The following LCT variants were observed in gnomAD, a reference collection of about 807,000 sequenced individuals.
LCT encodes lactase/phlorizin hydrolase.
Under a neutral mutation model 173.0 loss-of-function variants are expected in LCT, and 90 were observed. The ratio of observed to expected loss-of-function variants is 0.52; its 90% CI spans 0.44 to 0.62. The LOEUF is 0.62. Ranked by LOEUF, LCT falls within the 20% of genes least tolerant of loss-of-function variation. LCT has a pLI of 0.00. For synonymous variants in LCT, 853 were observed against 957.6 expected (o/e 0.89, Z 2.02); for missense variants, 1,864 against 2,431.4 (o/e 0.77, Z 4.91).
At chr2:135,819,577 G>A (rs1045528549) in intron 5 of LCT, among the ~76,000 whole-genome samples, 10 of 152,188 alleles carry the variant, frequency 6.6e-5, no homozygotes, top group Non-Finnish European at 1.3e-4. Context: ...CTCAAAAAGC[G>A]AAGCCTGGGG....
In LCT at chr2:135,789,766, T is replaced by C. The variant is rs2077519721; in HGVS notation, c.5368A>G (p.Thr1790Ala). ...AAATTGTCCATCGCACTCCAAACTG[T>C]GTATCCTCGAAGGTCCACCTTGTCC... is the stretch of plus-strand genomic sequence containing the variant. ...VQDKVDLRGYTVWSAMDNFEW... is the reference protein window; with the variant it reads ...VQDKVDLRGYAVWSAMDNFEW... The change falls in exon 16 of 17, where the codon ACA (threonine) becomes GCA (alanine). Residue 1790 changes from threonine (T) to alanine (A), a missense_variant. Physicochemically the swap from Thr to Ala is moderately conservative, Grantham distance 58 (BLOSUM62 0). Coordinates refer to ENST00000264162, the MANE Select transcript of LCT (RefSeq NM_002299.4). The C allele has an allele frequency of 1.2e-6, 2 of 1,614,068 alleles. No homozygotes were observed. The highest frequency in any genetic ancestry group is 1.7e-5 in the Admixed American group (1 of 60,002).
At chr2:135,821,259 C>T (rs1325151411) in intron 5 of LCT, among the ~76,000 whole-genome samples, 1 of 152,186 alleles carries the variant, frequency 6.6e-6, no homozygotes, top group African/African-American at 2.4e-5. Flanking sequence ...TTTACAACCC[C>T]ACCATAGATT....
chr2:135,811,033 A>G (rs2077730607), intron 7 of LCT, among the ~76,000 whole-genome samples: 1 of 151,684 alleles, frequency 6.6e-6, no homozygotes, highest in Non-Finnish European at 1.5e-5. Flanking sequence ...TCTCAAAAAA[A>G]AAAAAAGAAA....
In LCT at chr2:135,812,747, T is replaced by G. The variant is rs754174759; in HGVS notation, c.1917A>C (p.Gly639=). The G allele has an allele frequency of 1.9e-6, 3 of 1,614,116 alleles. No homozygotes were observed. In the Admixed American group the frequency reaches 5.0e-5, roughly 27 times the overall value. Residue 639 remains glycine (G), a synonymous_variant, in exon 7 of 17, where the codon GGA becomes GGC. Transcript: ENST00000264162. ...GGGTCCTCAGGGTGGCTGGGTAGTCTCCATCCACAAAGACGGGGTGTGCAA... is the reference window on the plus strand; with the variant it reads ...GGGTCCTCAGGGTGGCTGGGTAGTCGCCATCCACAAAGACGGGGTGTGCAA... The part of the protein sequence containing the change: ...GWFAHPVFVD[G]DYPATLRTQI...
At chr2:135,811,015 AG>A (rs1313341185) in intron 7 of LCT, among the ~76,000 whole-genome samples, 1 of 151,440 alleles carries the variant, frequency 6.6e-6, no homozygotes, top group Non-Finnish European at 1.5e-5. Context: ...CGACAGAGCC[AG>A]ACTCCGTCTC....
At chr2:135,831,446 G>A (rs2077937802) in intron 2 of LCT, among the ~76,000 whole-genome samples, 1 of 152,252 alleles carries the variant, frequency 6.6e-6, no homozygotes, top group Middle Eastern at 3.4e-3. Context: ...CGTCCCACTC[G>A]GAAGTGTGGC....
intron 5 of LCT, among the ~76,000 whole-genome samples, chr2:135,819,417 T>A (rs975499344): frequency 6.6e-6 from 1 of 151,284 alleles, no homozygotes; most frequent in Admixed American, 6.6e-5. Flanking sequence ...CCTTGAGGAG[T>A]GTGGCACATG....
intron 13 of LCT, among the ~76,000 whole-genome samples, chr2:135,797,395 C>T (rs1432384263): frequency 6.6e-6 from 1 of 152,176 alleles, no homozygotes; most frequent in Non-Finnish European, 1.5e-5. Context: ...GCTTCCTGCG[C>T]TTCCTCACAC....
chr2:135,815,532 A>G (rs1202407241), intron 6 of LCT, among the ~76,000 whole-genome samples: 2 of 152,154 alleles, frequency 1.3e-5, no homozygotes, highest in South Asian at 2.1e-4. Flanking sequence ...TTATTTATTC[A>G]TGATGTTCCA....
chr2:135,800,893 C>T (rs900410587), intron 11 of LCT, 84 bp from the exon 12 acceptor site: 1 of 1,106,328 alleles, frequency 9.0e-7, no homozygotes, highest in Non-Finnish European at 1.4e-6. Flanking sequence ...CAGATGTCCC[C>T]TCTGTGTTTG....
chr2:135,823,786 C>T (rs1356057294), intron 4 of LCT, 115 bp downstream of exon 4: 1 of 757,056 alleles, frequency 1.3e-6, no homozygotes. Flanking sequence ...GGCTTTTATA[C>T]TAGTCTTCCT....
intron 8 of LCT, 145 bp downstream of exon 8, chr2:135,808,298 C>A (rs2077694030): frequency 1.2e-6 from 1 of 812,254 alleles, no homozygotes; most frequent in East Asian, 2.4e-5. Context: ...GAACATATAA[C>A]CCCCAAACAG....
chr2:135,817,723 A>T lies in LCT; in HGVS notation c.1325T>A (p.Leu442Gln). The T allele has an allele frequency of 6.2e-7, 1 of 1,614,064 alleles. No homozygotes were observed. Among genetic ancestry groups the T allele is most frequent in the East Asian group, 2.2e-5 (1 of 44,868 alleles). ...SYHKVASDVA[L>Q]LCGLRAQVYK... ...CACCTGAGCCCGGAGGCCGCAAAGC[A>T]GGGCGACGTCAGAGGCTACCTTGTG... The change falls in exon 6 of 17, where the codon CTG (leucine) becomes CAG (glutamine). Residue 442 changes from leucine to glutamine, a missense_variant. By Grantham distance (113) the Leu-to-Gln change is moderately radical. This residue lies in a region of LCT where 183 missense variants were observed against 293.1 expected (regional missense o/e 0.62). Transcript: ENST00000264162.
rs990846659 is a variant in LCT, at chr2:135,800,501, A to G, written c.4866+106T>C. The stretch of plus-strand genomic sequence containing the variant: ...CAGACTTCCAAAGTGCTGGGATTAT[A>G]GACATGAGCCACCACACCCTAAATC... On this transcript the variant is annotated intron_variant, in intron 12 of 16. Transcript: ENST00000264162. 7 of 967,442 alleles carry G rather than the reference A, an allele frequency of 7.2e-6. No homozygotes were observed. In the African/African-American group the frequency reaches 1.1e-4, roughly 16 times the overall value. 59.9% of individuals were successfully genotyped at this position (967,442 alleles called of 1,614,324 possible). A position where few individuals can be genotyped will look rare whatever the true frequency, so the allele number is the denominator to read the frequency against.
Position 135,809,674 on chromosome 2 carries a change from G to A in LCT, c.2673C>T (p.Pro891=), listed in dbSNP as rs746633907. 9.9e-6 allele frequency: 16 copies of A among 1,614,088 alleles called. No individual in the cohort carries two copies. The highest frequency in any genetic ancestry group is 1.3e-5 in the African/African-American group (1 of 74,930). The change falls in exon 8 of 17, where the codon CCC becomes CCT. Residue 891 remains proline, a synonymous_variant. Coordinates refer to ENST00000264162, the MANE Select transcript of LCT (RefSeq NM_002299.4). The surrounding 1 kb of genome is among the most constrained non-coding windows in gnomAD (Gnocchi z 5.5). ...KVVWEKFSSQ[P]KFERDLFYHG... is the part of the protein sequence containing the mutation. ...GGTAGAACAAATCTCTTTCGAACTTGGGTTGGCTGGAGAACTTTTCCCAAA... is the reference window on the plus strand; with the variant it reads ...GGTAGAACAAATCTCTTTCGAACTTAGGTTGGCTGGAGAACTTTTCCCAAA...
At position 135,829,580 on chromosome 2, in the gene LCT, G is replaced by T; in HGVS notation, c.804+13C>A. 1 of 1,598,268 alleles carries T rather than the reference G, an allele frequency of 6.3e-7. No individual in the cohort carries two copies. The highest frequency in any genetic ancestry group is 1.1e-5 in the South Asian group (1 of 90,748). ...CTGCATTCATCATTAATGTGGAAAA[G>T]GGCTCAAATTACCTGCAATTTACTC... is the stretch of plus-strand genomic sequence containing the variant. On this transcript the variant is annotated intron_variant, in intron 3 of 16. Coordinates refer to ENST00000264162, the MANE Select transcript of LCT (RefSeq NM_002299.4).
Position 135,788,381 on chromosome 2 carries a change from A to G in LCT, c.5727T>C (p.Ser1909=). 1.2e-6 allele frequency: 2 copies of G among 1,614,212 alleles called. No homozygotes were observed. Among genetic ancestry groups the G allele is most frequent in the South Asian group, 1.1e-5 (1 of 91,088 alleles). Residue 1909 remains serine, a synonymous_variant, in exon 17 of 17, where the codon TCT becomes TCC. Transcript: ENST00000264162. ...GGCTTCGTTGTGTTTTCCCTTGCTT[A>G]GAGCGCTTGCAGTACTTGTATGACA... is the stretch of plus-strand genomic sequence containing the variant. ...AFLSYKYCKR[S]KQGKTQRSQQ...
intron 11 of LCT, among the ~76,000 whole-genome samples, chr2:135,802,697 T>C (rs1414205873): frequency 6.6e-6 from 1 of 152,284 alleles, no homozygotes. Flanking sequence ...TTGTGATTAT[T>C]AGAGGATGGG....
intron 6 of LCT, among the ~76,000 whole-genome samples, chr2:135,815,264 T>C (rs2077769761): frequency 6.6e-6 from 1 of 152,176 alleles, no homozygotes; most frequent in Non-Finnish European, 1.5e-5. Context: ...AAGGGAAGAA[T>C]TGAAGGAGAA....
Sources: gnomAD v4.1 joint callset for allele counts (sites outside exome capture counted in the v4.1 genomes callset) on GRCh38, gnomAD v4.1.1 for gene constraint, gnomAD v4.1.1 regional missense constraint, Gnocchi (gnomAD v3.1) non-coding constraint, MANE v1.5 for transcripts, NCBI Gene and HGNC (gene_info 2026-07-23, HGNC 2026-07-21) for gene names.